COL6A5: variants seen among roughly 807,000 people sequenced by gnomAD.
COL6A5 encodes collagen alpha-5(VI) chain.
A neutral mutation model predicts 65.6 loss-of-function variants in COL6A5; 48 were observed. The ratio of observed to expected loss-of-function variants is 0.73; its 90% CI spans 0.58 to 0.93. The LOEUF is 0.93. COL6A5 is among the 40% of genes least tolerant of loss of function. The pLI is 0.00. For missense variants in COL6A5, 914 were observed against 928.3 expected, an observed-to-expected ratio of 0.98 and a Z score of 0.20; for synonymous variants, 291 against 322.8, an observed-to-expected ratio of 0.90 and a Z score of 1.05.
At chr3:130,425,098 T>G (rs1416963681) in intron 29 of COL6A5, among the ~76,000 whole-genome samples, 5 of 152,160 alleles carry the variant, frequency 3.3e-5, no homozygotes, top group African/African-American at 1.2e-4. Flanking sequence ...TGGTCATGCA[T>G]TCTTTTCTGT....
In COL6A5 at chr3:130,471,101, T is replaced by TG. The variant is rs1709942370; in HGVS notation, c.2328+134_2328+135insG. 4.1e-5 allele frequency: 27 copies of TG among 665,750 alleles called. No homozygotes were observed. The South Asian group carries it at 4.4e-4, about 11-fold the overall frequency. 41.2% of individuals were successfully genotyped at this position (665,750 alleles called of 1,614,324 possible). On this transcript the variant is annotated intron_variant, in intron 7 of 7. Coordinates refer to ENST00000512836, the Ensembl canonical transcript of COL6A5. ...GTGTGTGTGTGTGTGTGTGTGTGTG[T>TG]TTTAAATGCTACTCGTTTGTGATGA...
rs929759427 is a variant in COL6A5, at chr3:130,383,434, C to T, written c.1301-1370C>T. ...CTCCCTCATTGCTAATCACCACTAC[C>T]TTTCTTTTGCTGAACATTTAATTCT... On this transcript the variant is annotated intron_variant and NMD_transcript_variant, in intron 4 of 41. Coordinates refer to the COL6A5 transcript ENST00000312481. Among the ~76,000 whole-genome samples the T allele has an allele frequency of 3.9e-5, 6 of 152,026 alleles. No homozygotes were observed. The East Asian group carries it at 1.2e-3, about 29-fold the overall frequency.
At chr3:130,440,353 T>C in exon 3 of COL6A5, 1 of 1,613,458 alleles carries the variant, frequency 6.2e-7, no homozygotes, top group Non-Finnish European at 8.5e-7. Context: ...CAGACTCTGG[T>C]GATAGGATTG....
intron 1 of COL6A5, among the ~76,000 whole-genome samples, chr3:130,349,613 TGCAGGACCTC>T: frequency 2.6e-5 from 4 of 152,228 alleles, no homozygotes; most frequent in Non-Finnish European, 5.9e-5. Flanking sequence ...AGAAGGGTCT[TGCAGGACCTC>T]TTTAATTCAT....
intron 7 of COL6A5, among the ~76,000 whole-genome samples, chr3:130,394,026 T>G (rs1936502173): frequency 6.6e-6 from 1 of 152,174 alleles, no homozygotes; most frequent in Admixed American, 6.5e-5. Flanking sequence ...TCTGTGACCG[T>G]GGGTAACCTA....
chr3:130,394,691 GA>G (rs1936529996), intron 7 of COL6A5, among the ~76,000 whole-genome samples, 198 bp from the exon 8 acceptor site: 1 of 151,792 alleles, frequency 6.6e-6, no homozygotes, highest in Non-Finnish European at 1.5e-5. Flanking sequence ...ATTAAACTTT[GA>G]AAAAAACTCC....
chr3:130,381,032 A>C (rs1935977403), intron 4 of COL6A5, among the ~76,000 whole-genome samples: 1 of 152,116 alleles, frequency 6.6e-6, no homozygotes, highest in African/African-American at 2.4e-5. Context: ...AAAAGGGAAG[A>C]AAAAGGGCCA....
chr3:130,421,392 T>C (rs998572806), intron 27 of COL6A5, 32 bp downstream of exon 27: 1 of 1,547,552 alleles, frequency 6.5e-7, no homozygotes, highest in Non-Finnish European at 8.7e-7. Flanking sequence ...GAAATTACCA[T>C]GATCTTAACC....
At chr3:130,484,573 T>C (rs1015988918) in exon 8 of COL6A5, 2 of 399,010 alleles carry the variant, frequency 5.0e-6, no homozygotes, top group Middle Eastern at 6.3e-4. Flanking sequence ...GTCAGGCTGC[T>C]ATGACCCATA....
At chr3:130,424,990 G>A (rs72982423) in intron 29 of COL6A5, among the ~76,000 whole-genome samples, 198 of 152,174 alleles carry the variant, frequency 1.3e-3, no homozygotes, top group African/African-American at 4.3e-3. Context: ...TTAAGGGCTC[G>A]CTCTTTCAGG....
At chr3:130,398,376 C>T (rs1482041513) in intron 10 of COL6A5, among the ~76,000 whole-genome samples, 10 of 152,078 alleles carry the variant, frequency 6.6e-5, no homozygotes, top group East Asian at 1.9e-4. Flanking sequence ...GTGATTCACC[C>T]GACTTGGCCT....
chr3:130,474,252 G>GAAACT (rs1303771678), intron 7 of COL6A5, among the ~76,000 whole-genome samples: 1 of 152,046 alleles, frequency 6.6e-6, no homozygotes, highest in Admixed American at 6.6e-5. Context: ...AAAGGCCCTA[G>GAAACT]AAACTAAACT....
intron 24 of COL6A5, 40 bp downstream of exon 24, chr3:130,416,859 A>C: frequency 9.5e-7 from 1 of 1,054,422 alleles, no homozygotes; most frequent in African/African-American, 1.6e-5. Flanking sequence ...TTAAAAACAT[A>C]TTTTATATTT....
chr3:130,401,716 G>T (rs891022098), intron 11 of COL6A5, 46 bp from the exon 12 acceptor site: 1 of 1,378,212 alleles, frequency 7.3e-7, no homozygotes, highest in African/African-American at 1.4e-5. Context: ...ATGGAATAAA[G>T]TTTCTGACAA....
At chr3:130,405,425 C>T (rs745540167) in intron 13 of COL6A5, among the ~76,000 whole-genome samples, 163 bp from the exon 14 acceptor site, 5 of 152,084 alleles carry the variant, frequency 3.3e-5, no homozygotes, top group Non-Finnish European at 5.9e-5. Context: ...GAAAAACAGA[C>T]ATAAATGAGT....
In COL6A5 at chr3:130,409,351, C is replaced by A. The variant is rs772303994; in HGVS notation, c.4505C>A (p.Pro1502His). ...GGCAGCCCAGGTTCCAGAGGTGCCC[C>A]TGGGCAGTATGGAGAGAAGGGCTTC... Residue 1502 changes from proline (P) to histidine (H), a missense_variant and NMD_transcript_variant, in exon 18 of 42, where the codon CCT becomes CAT. Transcript: ENST00000312481. 2.4e-5 allele frequency: 37 copies of A among 1,547,150 alleles called. No individual in the cohort carries two copies. The African/African-American group carries it at 4.4e-4, about 18-fold the overall frequency.
chr3:130,440,113 T>C (rs1577511534), intron 2 of COL6A5, 53 bp from the exon 35 acceptor site: 2 of 1,399,418 alleles, frequency 1.4e-6, no homozygotes, highest in East Asian at 4.8e-5. Flanking sequence ...CTCAAACAAG[T>C]GTCTTGTTGG....
chr3:130,476,910 A>G (rs1395200322), intron 7 of COL6A5: 17 of 695,362 alleles, frequency 2.4e-5, no homozygotes, highest in Non-Finnish European at 4.5e-5. Flanking sequence ...TGGGTTAGTT[A>G]TATTTGGCCA....
At chr3:130,394,973 A>G (rs1467138022) in exon 8 of COL6A5, 1 of 1,551,626 alleles carries the variant, frequency 6.4e-7, no homozygotes, top group Non-Finnish European at 8.7e-7. Flanking sequence ...AACCATGACA[A>G]CTTTCTTGTC....
Sources: gnomAD v4.1 joint callset for allele counts (sites outside exome capture counted in the v4.1 genomes callset) on GRCh38, gnomAD v4.1.1 for gene constraint, MANE v1.5 for transcripts, NCBI Gene and HGNC (gene_info 2026-07-23, HGNC 2026-07-21) for gene names.